CTLA4: variants seen among roughly 807,000 people sequenced by gnomAD.
The protein encoded by CTLA4 is cytotoxic T-lymphocyte protein 4.
Under a neutral mutation model 20.4 loss-of-function variants are expected in CTLA4, and 3 were observed. The observed-to-expected ratio is 0.15, with a 90% confidence interval of 0.07 to 0.38. The LOEUF is 0.38. CTLA4 is among the 10% of genes least tolerant of loss of function. The pLI is 1.00. For synonymous variants in CTLA4, 100 were observed against 105.2 expected (o/e 0.95, Z 0.30); for missense variants, 184 against 276.8 (o/e 0.66, Z 2.38).
Position 203,870,216 on chromosome 2 carries a change from T to C in CTLA4, c.110-370T>C, listed in dbSNP as rs573076880. On this transcript the variant is annotated intron_variant, in intron 1 of 3. Coordinates refer to ENST00000648405, the MANE Select transcript of CTLA4 (RefSeq NM_005214.5). The surrounding 1 kb of genome is among the most constrained non-coding windows in gnomAD (Gnocchi z 5.3). ...TAACCTTAGAATACCAGAGAACATA[T>C]CATCTCATCTAATTATCTCTTACTA... The C allele has an allele frequency of 7.1e-6, 2 of 281,106 alleles. No homozygotes were observed. The highest frequency in any genetic ancestry group is 4.9e-5 in the Admixed American group (1 of 20,564). 17.4% of individuals were successfully genotyped at this position (281,106 alleles called of 1,614,324 possible).
chr2:203,873,643 C>G lies in CTLA4; in HGVS notation c.*831C>G, dbSNP rs1688778588. ...GACATGTGCTTTGGGGCTTTTACAC[C>G]AGTTCCTTTCAATGGTTTGCAAGGA... On this transcript the variant is annotated 3_prime_UTR_variant, in exon 4 of 4. Transcript: ENST00000648405. 2 of 218,738 alleles carry G rather than the reference C, an allele frequency of 9.1e-6. No individual in the cohort carries two copies. The highest frequency in any genetic ancestry group is 1.2e-4 in the Admixed American group (2 of 17,224). 13.5% of individuals were successfully genotyped at this position (218,738 alleles called of 1,614,324 possible). A position where few individuals can be genotyped will look rare whatever the true frequency, so the allele number is the denominator to read the frequency against.
intron 1 of CTLA4, among the ~76,000 whole-genome samples, chr2:203,869,981 TACA>T (rs1242646949): frequency 1.3e-5 from 2 of 152,158 alleles, no homozygotes; most frequent in Admixed American, 6.5e-5. Context: ...TCTTCCACTC[TACA>T]ACAATGCCAG....
At position 203,870,433 on chromosome 2, in the gene CTLA4, T is replaced by TG. The variant is rs1688707561; in HGVS notation, c.110-148dup. 2 of 545,888 alleles carry TG rather than the reference T, an allele frequency of 3.7e-6. No individual in the cohort carries two copies. Among genetic ancestry groups the TG allele is most frequent in the Non-Finnish European group, 5.8e-6 (2 of 343,004 alleles). 33.8% of individuals were successfully genotyped at this position (545,888 alleles called of 1,614,324 possible). ...AACAGTTGAGAGATGGAGGGGAGGC[T>TG]GGGGGTGTGGAGAGGGGAAGGGGTA... On this transcript the variant is annotated intron_variant, in intron 1 of 3. Coordinates refer to ENST00000648405, the MANE Select transcript of CTLA4 (RefSeq NM_005214.5). The surrounding 1 kb of genome is among the most constrained non-coding windows in gnomAD (Gnocchi z 5.3).
chr2:203,871,186 A>G (rs917827446), intron 2 of CTLA4, among the ~76,000 whole-genome samples, 192 bp from the exon 3 acceptor site: 4 of 152,156 alleles, frequency 2.6e-5, no homozygotes, highest in Non-Finnish European at 4.4e-5. Context: ...TTTGATCTGT[A>G]CTTTTGATAT....
At chr2:203,871,351 G>A in intron 2 of CTLA4, 27 bp from the exon 3 acceptor site, 1 of 1,581,224 alleles carries the variant, frequency 6.3e-7, no homozygotes, top group African/African-American at 1.3e-5. Flanking sequence ...CTGTCTCAGG[G>A]AGGCTCTGCT....
chr2:203,870,001 C>T lies in CTLA4; in HGVS notation c.110-585C>T, dbSNP rs142975926. 6.9e-4 allele frequency among the ~76,000 whole-genome samples: 105 copies of T among 152,214 alleles called. No individual in the cohort carries two copies. Among genetic ancestry groups the T allele is most frequent in the Middle Eastern group, 6.9e-3 (2 of 290 alleles). On this transcript the variant is annotated intron_variant, in intron 1 of 3. Transcript: ENST00000648405. The surrounding 1 kb of genome is among the most constrained non-coding windows in gnomAD (Gnocchi z 5.3). ...CACTCTACAACAATGCCAGGGAAGG[C>T]GGAGGCTGGTACAGTGCATCAAGAC... is the stretch of plus-strand genomic sequence containing the variant.
chr2:203,870,825 C>G lies in CTLA4; in HGVS notation c.349C>G (p.Gln117Glu). 2 of 1,614,156 alleles carry G rather than the reference C, an allele frequency of 1.2e-6. No homozygotes were observed. Among genetic ancestry groups the G allele is most frequent in the Non-Finnish European group, 1.7e-6 (2 of 1,180,020 alleles). Residue 117 changes from glutamine (Q) to glutamate (E), a missense_variant, in exon 2 of 4, where the codon CAA becomes GAA. By Grantham distance (29) the Gln-to-Glu change is conservative (BLOSUM62 2). Coordinates refer to ENST00000648405, the MANE Select transcript of CTLA4 (RefSeq NM_005214.5). The surrounding 1 kb of genome is among the most constrained non-coding windows in gnomAD (Gnocchi z 5.3). Reference sequence around the variant, plus strand: ...TGGAAATCAAGTGAACCTCACTATCCAAGGACTGAGGGCCATGGACACGGG... The same window carrying G: ...TGGAAATCAAGTGAACCTCACTATCGAAGGACTGAGGGCCATGGACACGGG... ...SSGNQVNLTI[Q>E]GLRAMDTGLY...
chr2:203,870,432 C>A lies in CTLA4; in HGVS notation c.110-154C>A. On this transcript the variant is annotated intron_variant, in intron 1 of 3. Transcript: ENST00000648405. This position sits in a 1 kb window ranked among gnomAD's most constrained non-coding sequence, Gnocchi z 5.3. The stretch of plus-strand genomic sequence containing the variant: ...AAACAGTTGAGAGATGGAGGGGAGG[C>A]TGGGGGTGTGGAGAGGGGAAGGGGT... The A allele has an allele frequency of 1.8e-6, 1 of 552,818 alleles. No individual in the cohort carries two copies. The highest frequency in any genetic ancestry group is 2.9e-6 in the Non-Finnish European group (1 of 346,882). The allele number at this position is 552,818 out of a possible 1,614,324, so 34.2% of individuals were successfully genotyped here.
Position 203,868,147 on chromosome 2 carries a change from G to A in CTLA4, c.109+96G>A, listed in dbSNP as rs182554438. The A allele has an allele frequency of 5.9e-4, 558 of 942,700 alleles. 1 individual carries two copies. Among genetic ancestry groups the A allele is most frequent in the East Asian group, 3.3e-3 (135 of 40,306 alleles). 58.4% of individuals were successfully genotyped at this position (942,700 alleles called of 1,614,324 possible). On this transcript the variant is annotated intron_variant, in intron 1 of 3. Transcript: ENST00000648405. ...GTCAAAGGCAGTGATTTATAGCAAA[G>A]CCAGAAGTTAAAGGTAAAACTCCAA...
chr2:203,872,929 C>A lies in CTLA4; in HGVS notation c.*117C>A. ...GTGCATTTGGGGGGAATTCATCTCT[C>A]TTTAATATAAAGTTGGATGCGGAAC... On this transcript the variant is annotated 3_prime_UTR_variant, in exon 4 of 4. Transcript: ENST00000648405. The A allele has an allele frequency of 1.4e-6, 1 of 695,970 alleles. No individual in the cohort carries two copies. The highest frequency in any genetic ancestry group is 2.5e-6 in the Non-Finnish European group (1 of 402,428). 43.1% of individuals were successfully genotyped at this position (695,970 alleles called of 1,614,324 possible).
rs1688759524 is a variant in CTLA4, at chr2:203,872,873, T to A, written c.*61T>A. 1 of 1,062,014 alleles carries A rather than the reference T, an allele frequency of 9.4e-7. No homozygotes were observed. The highest frequency in any genetic ancestry group is 1.8e-5 in the Admixed American group (1 of 54,878). 65.8% of individuals were successfully genotyped at this position (1,062,014 alleles called of 1,614,324 possible). A position where few individuals can be genotyped will look rare whatever the true frequency, so the allele number is the denominator to read the frequency against. On this transcript the variant is annotated 3_prime_UTR_variant, in exon 4 of 4. Coordinates refer to ENST00000648405, the MANE Select transcript of CTLA4 (RefSeq NM_005214.5). The stretch of plus-strand genomic sequence containing the variant: ...TTCCAAGAGCTGAGGCAATTCTAAC[T>A]TTTTTGCTATCCAGCTATTTTTATT...
In CTLA4 at chr2:203,873,440, G is replaced by T. The variant is rs1403154353; in HGVS notation, c.*628G>T. 1 of 220,212 alleles carries T rather than the reference G, an allele frequency of 4.5e-6. No homozygotes were observed. The allele number at this position is 220,212 out of a possible 1,614,324, so 13.6% of individuals were successfully genotyped here. ...GTATGTTTTTGTGTATTTGTTAATG[G>T]TTTGAATATAAACACTATATGGCAG... On this transcript the variant is annotated 3_prime_UTR_variant, in exon 4 of 4. Transcript: ENST00000648405.
At chr2:203,871,970 C>A (rs900780756) in intron 3 of CTLA4, among the ~76,000 whole-genome samples, 1 of 152,188 alleles carries the variant, frequency 6.6e-6, no homozygotes, top group Non-Finnish European at 1.5e-5. Context: ...TGACACCTAT[C>A]CCTGTTATCC....
chr2:203,868,494 C>T (rs1256575789), intron 1 of CTLA4, among the ~76,000 whole-genome samples: 2 of 152,056 alleles, frequency 1.3e-5, no homozygotes, highest in South Asian at 4.1e-4. Flanking sequence ...GTTTTAAGGT[C>T]CTCGGATTCA....
intron 3 of CTLA4, among the ~76,000 whole-genome samples, chr2:203,872,143 C>T (rs1179277107): frequency 6.6e-6 from 1 of 152,206 alleles, no homozygotes; most frequent in Non-Finnish European, 1.5e-5. Context: ...GACACCTCTG[C>T]CTAAGGCCAG....
Position 203,870,835 on chromosome 2 carries a change from G to C in CTLA4, c.359G>C (p.Arg120Thr). The change falls in exon 2 of 4, where the codon AGG becomes ACG. Residue 120 changes from arginine to threonine, a missense_variant. Transcript: ENST00000648405. The surrounding 1 kb of genome is among the most constrained non-coding windows in gnomAD (Gnocchi z 5.3). ...NQVNLTIQGL[R>T]AMDTGLYICK... is the part of the protein sequence containing the mutation. ...GTGAACCTCACTATCCAAGGACTGAGGGCCATGGACACGGGACTCTACATC... is the reference window on the plus strand; with the variant it reads ...GTGAACCTCACTATCCAAGGACTGACGGCCATGGACACGGGACTCTACATC... 1 of 1,614,182 alleles carries C rather than the reference G, an allele frequency of 6.2e-7. No homozygotes were observed. Among genetic ancestry groups the C allele is most frequent in the South Asian group, 1.1e-5 (1 of 91,086 alleles).
rs2105774993 is a variant in CTLA4, at chr2:203,870,486, A to G, written c.110-100A>G. ...TGATAGATTCGTTGAAGGGGGGAGA[A>G]AAGGCCGTGGGGATGAAGCTAGAAG... On this transcript the variant is annotated intron_variant, in intron 1 of 3. Transcript: ENST00000648405. The surrounding 1 kb of genome is among the most constrained non-coding windows in gnomAD (Gnocchi z 5.3). The G allele has an allele frequency of 7.6e-7, 1 of 1,322,318 alleles. No individual in the cohort carries two copies. The highest frequency in any genetic ancestry group is 1.4e-5 in the South Asian group (1 of 71,802). The allele number at this position is 1,322,318 out of a possible 1,614,324, so 81.9% of individuals were successfully genotyped here.
At chr2:203,872,651 T>G (rs772000684) in intron 3 of CTLA4, 57 bp from the exon 4 acceptor site, 3 of 1,051,016 alleles carry the variant, frequency 2.9e-6, no homozygotes, top group African/African-American at 1.6e-5. Context: ...CTATTATGGT[T>G]AGAAGTGGCT....
In CTLA4 at chr2:203,869,941, C is replaced by T. The variant is rs148575091; in HGVS notation, c.110-645C>T. Among the ~76,000 whole-genome samples the T allele has an allele frequency of 2.4e-3, 364 of 152,276 alleles. 3 individuals are homozygous for T. The highest frequency in any genetic ancestry group is 2.8e-3 in the Non-Finnish European group (193 of 68,020). ...TAGAGAGGAAGCGACCTGGTGCCCT[C>T]GGCTCTGTGGCTTCCTTCATCTAAC... On this transcript the variant is annotated intron_variant, in intron 1 of 3. Transcript: ENST00000648405.
Sources: gnomAD v4.1 joint callset for allele counts (sites outside exome capture counted in the v4.1 genomes callset) on GRCh38, gnomAD v4.1.1 for gene constraint, Gnocchi (gnomAD v3.1) non-coding constraint, MANE v1.5 for transcripts, NCBI Gene and HGNC (gene_info 2026-07-23, HGNC 2026-07-21) for gene names.